Variants in XKR6 observed in about 807,000 individuals in gnomAD.
XKR6 encodes XK related 6.
A neutral mutation model predicts 56.7 loss-of-function variants in XKR6; 22 were observed. The observed-to-expected ratio is 0.39, with a 90% CI of 0.28 to 0.55. The LOEUF (loss-of-function observed/expected upper bound fraction) is 0.55. Among genes scored for constraint, XKR6 ranks in the 20% least tolerant of loss-of-function variants. The pLI is 0.66. For missense variants in XKR6, 852 were observed against 889.0 expected, an observed-to-expected ratio of 0.96 and a Z score of 0.53; for synonymous variants, 524 against 387.8, an observed-to-expected ratio of 1.35 and a Z score of -4.13.
At chr8:10,990,140 CTT>C (rs1004421300) in intron 1 of XKR6, among the ~76,000 whole-genome samples, 2 of 152,210 alleles carry the variant, frequency 1.3e-5, no homozygotes, top group African/African-American at 4.8e-5. Context: ...CAAACAAAAA[CTT>C]TTGTGACAGT....
chr8:10,946,782 C>T (rs1801560976), intron 1 of XKR6, among the ~76,000 whole-genome samples: 1 of 152,122 alleles, frequency 6.6e-6, no homozygotes, highest in Non-Finnish European at 1.5e-5. Context: ...AGACACGCCT[C>T]AGGAGCTGGC....
chr8:11,160,919 A>AAAAAAAAAAAAAAAAG, intron 1 of XKR6, among the ~76,000 whole-genome samples: 1 of 151,132 alleles, frequency 6.6e-6, no homozygotes, highest in African/African-American at 2.4e-5. Flanking sequence ...CTCAAAAAAA[A>AAAAAAAAAAAAAAAAG]AAAAAAAAAA....
At chr8:11,161,841 T>C (rs2117013816) in intron 1 of XKR6, among the ~76,000 whole-genome samples, 1 of 152,264 alleles carries the variant, frequency 6.6e-6, no homozygotes, top group South Asian at 2.1e-4. Context: ...AAAATTCTGG[T>C]TGGCTTCACT....
intron 1 of XKR6, among the ~76,000 whole-genome samples, chr8:10,944,306 A>G (rs181115947): frequency 2.1e-4 from 32 of 152,336 alleles, no homozygotes; most frequent in African/African-American, 7.5e-4. Flanking sequence ...TTTAAGTTGA[A>G]CACAAGAAAG....
At chr8:11,079,360 T>A (rs1267147527) in intron 1 of XKR6, among the ~76,000 whole-genome samples, 1 of 152,210 alleles carries the variant, frequency 6.6e-6, no homozygotes, top group African/African-American at 2.4e-5. Context: ...CTTTTAAAAA[T>A]AAAGAAGCAG....
chr8:11,033,418 A>ATGATGG (rs1375583557), intron 1 of XKR6, among the ~76,000 whole-genome samples: 32 of 120,828 alleles, frequency 2.6e-4, no homozygotes, highest in African/African-American at 1.1e-3. Context: ...GGTGATGATG[A>ATGATGG]TGATGATGAT....
chr8:11,145,722 G>C (rs1196180035), intron 1 of XKR6, among the ~76,000 whole-genome samples: 1 of 152,136 alleles, frequency 6.6e-6, no homozygotes, highest in Non-Finnish European at 1.5e-5. Flanking sequence ...TAAATGGAGA[G>C]ATACGCCATA....
chr8:11,000,013 T>C (rs188672109), intron 1 of XKR6, among the ~76,000 whole-genome samples: 167 of 152,274 alleles, frequency 1.1e-3, no homozygotes, highest in African/African-American at 3.8e-3. Context: ...TGGCATTCCA[T>C]CTGTGAAGAC....
chr8:11,122,262 C>A (rs927720773), intron 1 of XKR6, among the ~76,000 whole-genome samples: 1 of 152,214 alleles, frequency 6.6e-6, no homozygotes, highest in East Asian at 1.9e-4. Context: ...CCTGGTAAAA[C>A]GTCACTGAAG....
At chr8:10,980,723 G>A (rs569972106) in intron 1 of XKR6, among the ~76,000 whole-genome samples, 3 of 151,948 alleles carry the variant, frequency 2.0e-5, no homozygotes, top group Non-Finnish European at 2.9e-5. Flanking sequence ...ATTATGACTC[G>A]GGATTGTGAT....
chr8:11,051,570 G>A (rs894648594), intron 1 of XKR6, among the ~76,000 whole-genome samples: 2 of 152,044 alleles, frequency 1.3e-5, no homozygotes, highest in Non-Finnish European at 2.9e-5. Flanking sequence ...CAAATCTTTG[G>A]CTCCTCTTTT....
rs61138077 is a variant in XKR6 at position 10,984,695 on chromosome 8, G to GCTCTCTCTCTCT, written c.765-59877_765-59866dup. ...AGTAACACAAAAGATAAAATACATG[G>GCTCTCTCTCTCT]CTCTCTCTCTCTCTCTCTCTCTCTC... On this transcript the variant is annotated intron_variant, in intron 1 of 2. Transcript: ENST00000416569. Among the ~76,000 whole-genome samples the GCTCTCTCTCTCT allele has an allele frequency of 1.2e-3, 65 of 56,292 alleles. 2 individuals carry two copies. Among genetic ancestry groups the GCTCTCTCTCTCT allele is most frequent in the Non-Finnish European group, 1.8e-3 (48 of 27,394 alleles). The allele number at this position is 56,292 out of a possible 152,430, so 36.9% of individuals were successfully genotyped here.
At chr8:11,076,639 G>A (rs977204391) in intron 1 of XKR6, among the ~76,000 whole-genome samples, 12 of 152,016 alleles carry the variant, frequency 7.9e-5, no homozygotes, top group East Asian at 1.9e-4. Context: ...GTAGCAAAGC[G>A]CCCCCAGCAC....
At chr8:10,990,322 G>T (rs113881758) in intron 1 of XKR6, among the ~76,000 whole-genome samples, 1 of 152,162 alleles carries the variant, frequency 6.6e-6, no homozygotes, top group South Asian at 2.1e-4. Flanking sequence ...TTGGGGCTGG[G>T]GTACTGGCCG....
chr8:10,984,147 G>A (rs1428917398), intron 1 of XKR6, among the ~76,000 whole-genome samples: 2 of 152,168 alleles, frequency 1.3e-5, no homozygotes, highest in African/African-American at 2.4e-5. Flanking sequence ...CACAAATACA[G>A]GGATGTATTA....
chr8:10,919,313 C>T (rs80053364), intron 2 of XKR6, among the ~76,000 whole-genome samples: 2,317 of 152,330 alleles, frequency 0.015, 62 homozygotes, highest in African/African-American at 0.051. Context: ...GGGGCTTTTC[C>T]TGACCCCCTG....
At chr8:11,097,606 A>C (rs1369387321) in intron 1 of XKR6, among the ~76,000 whole-genome samples, 2 of 151,898 alleles carry the variant, frequency 1.3e-5, no homozygotes, top group Admixed American at 6.6e-5. Flanking sequence ...TCAGGAGTTC[A>C]AGACTAGCCT....
chr8:11,077,703 C>A (rs1196416803), intron 1 of XKR6, among the ~76,000 whole-genome samples: 1 of 152,170 alleles, frequency 6.6e-6, no homozygotes, highest in East Asian at 1.9e-4. Context: ...TAAGTGGGAA[C>A]CCTCCAGCCT....
At chr8:11,136,320 T>A (rs1350819218) in intron 1 of XKR6, among the ~76,000 whole-genome samples, 2 of 152,192 alleles carry the variant, frequency 1.3e-5, no homozygotes, top group East Asian at 3.9e-4. Flanking sequence ...AAGACCAGCC[T>A]GACCAACATG....
Sources: gnomAD v4.1 joint callset for allele counts (sites outside exome capture counted in the v4.1 genomes callset) on GRCh38, gnomAD v4.1.1 for gene constraint, MANE v1.5 for transcripts, NCBI Gene and HGNC (gene_info 2026-07-23, HGNC 2026-07-21) for gene names.